STOX1: variants seen among roughly 807,000 people sequenced by gnomAD.
STOX1 encodes the protein storkhead-box protein 1.
In STOX1, 57 loss-of-function variants were observed where a neutral mutation model predicts 74.8. That is an observed-to-expected ratio of 0.76 (90% CI 0.62 to 0.95). STOX1 has a LOEUF of 0.95. Ranked by LOEUF, STOX1 falls within the 40% of genes least tolerant of loss-of-function variation. The probability of loss-of-function intolerance (pLI) is 0.00; values close to 1 mark genes in which losing one functional copy is unlikely to be tolerated. For synonymous variants in STOX1, 375 were observed against 401.3 expected (o/e 0.93, Z 0.78); for missense variants, 1,010 against 1,117.0 (o/e 0.90, Z 1.37).
intron 1 of STOX1, among the ~76,000 whole-genome samples, chr10:68,833,891 G>A (rs2133488536): frequency 6.6e-6 from 1 of 152,316 alleles, no homozygotes; most frequent in East Asian, 1.9e-4. Flanking sequence ...CTTTCATTCA[G>A]ATTTGCCTCT....
Position 68,886,308 on chromosome 10 carries a change from C to A in STOX1, c.2512C>A (p.Pro838Thr). 6 of 1,614,138 alleles carry A rather than the reference C, an allele frequency of 3.7e-6. No individual in the cohort carries two copies. The highest frequency in any genetic ancestry group is 4.2e-6 in the Non-Finnish European group (5 of 1,180,026). Reference protein sequence around the residue: ...AQFGFNYEEEPSVAKCVQASA... With the variant: ...AQFGFNYEEETSVAKCVQASA... ...GTTTGGTTTTAACTACGAAGAAGAA[C>A]CCAGTGTTGCTAAATGTGTACAGGC... is the stretch of plus-strand genomic sequence containing the variant. The change falls in exon 3 of 4, where the codon CCC becomes ACC. Residue 838 changes from proline to threonine, a missense_variant. Transcript: ENST00000298596.
chr10:68,854,674 A>C (rs1009392484), intron 1 of STOX1, among the ~76,000 whole-genome samples: 1 of 152,020 alleles, frequency 6.6e-6, no homozygotes, highest in African/African-American at 2.4e-5. Flanking sequence ...TACTTGATCT[A>C]CCTGGGGTGT....
chr10:68,831,401 A>G (rs979440548), intron 1 of STOX1, among the ~76,000 whole-genome samples: 2 of 151,990 alleles, frequency 1.3e-5, no homozygotes, highest in African/African-American at 4.8e-5. Flanking sequence ...TGGGCATGCT[A>G]GTTTCGAACT....
chr10:68,884,548 A>C lies in STOX1; in HGVS notation c.752A>C (p.His251Pro). The C allele has an allele frequency of 6.2e-7, 1 of 1,613,800 alleles. No homozygotes were observed. The highest frequency in any genetic ancestry group is 8.5e-7 in the Non-Finnish European group (1 of 1,180,032). ...TCTTGCCAGTGTTTCCGGGACATGC[A>C]CACTCAGGATGTTCAGGAAGCACCA... ...CQSCQCFRDMHTQDVQEAPVA... is the reference protein window; with the variant it reads ...CQSCQCFRDMPTQDVQEAPVA... Residue 251 changes from histidine to proline, a missense_variant, in exon 3 of 4, where the codon CAC becomes CCC. His to Pro is a moderately conservative substitution (Grantham distance 77). Coordinates refer to ENST00000298596, the MANE Select transcript of STOX1 (RefSeq NM_152709.5).
At chr10:68,891,429 T>C (rs897986637) in intron 3 of STOX1, among the ~76,000 whole-genome samples, 1 of 152,194 alleles carries the variant, frequency 6.6e-6, no homozygotes, top group African/African-American at 2.4e-5. Context: ...GAAAGACTTA[T>C]TAGACGAAAT....
In STOX1 at chr10:68,885,974, AGAT is replaced by A. The variant is rs1456018195; in HGVS notation, c.2186_2188del (p.Asp729del). On this transcript the variant is annotated inframe_deletion, in exon 3 of 4. Transcript: ENST00000298596. ...AGGCCTTGTATCAGAATGAAGTGGA[AGAT>A]GATGATGGTGCCTGTAGTTCATTAT... 1.9e-6 allele frequency: 3 copies of A among 1,614,224 alleles called. No homozygotes were observed. Among genetic ancestry groups the A allele is most frequent in the Non-Finnish European group, 2.5e-6 (3 of 1,180,048 alleles).
chr10:68,871,228 G>A (rs538492357), intron 1 of STOX1, among the ~76,000 whole-genome samples: 2 of 152,328 alleles, frequency 1.3e-5, no homozygotes, highest in South Asian at 4.1e-4. Context: ...TCTATCCGCA[G>A]TGAGGGTGGT....
intron 1 of STOX1, among the ~76,000 whole-genome samples, chr10:68,856,015 G>A (rs1673888462): frequency 6.6e-6 from 1 of 152,102 alleles, no homozygotes; most frequent in African/African-American, 2.4e-5. Flanking sequence ...CTGTCAGTCA[G>A]AAATGGTGTA....
intron 1 of STOX1, among the ~76,000 whole-genome samples, chr10:68,833,688 T>C (rs995056786): frequency 6.6e-6 from 1 of 152,196 alleles, no homozygotes; most frequent in Non-Finnish European, 1.5e-5. Flanking sequence ...GGTCTTTAAC[T>C]ACCAGGCTTA....
At chr10:68,866,279 G>A (rs1840402724) in intron 1 of STOX1, among the ~76,000 whole-genome samples, 1 of 152,140 alleles carries the variant, frequency 6.6e-6, no homozygotes, top group Admixed American at 6.5e-5. Flanking sequence ...CTCCAACTAT[G>A]TTAAATTGAG....
rs750746962 is a variant in STOX1 at position 68,885,807 on chromosome 10, C to G, written c.2011C>G (p.Leu671Val). The stretch of plus-strand genomic sequence containing the variant: ...AATACACCAGTTTCAAAATCTTGGC[C>G]TTTTGGATTACCCAGTTGGCGTGAA... ...NTIHQFQNLG[L>V]LDYPVGVNPL... Residue 671 changes from leucine (L) to valine (V), a missense_variant, in exon 3 of 4, where the codon CTT (leucine) becomes GTT (valine). Coordinates refer to ENST00000298596, the MANE Select transcript of STOX1 (RefSeq NM_152709.5). The G allele has an allele frequency of 9.9e-6, 16 of 1,614,028 alleles. No homozygotes were observed. Among genetic ancestry groups the G allele is most frequent in the South Asian group, 5.5e-5 (5 of 91,078 alleles).
intron 1 of STOX1, among the ~76,000 whole-genome samples, chr10:68,877,466 A>C (rs968969776): frequency 1.3e-5 from 2 of 152,194 alleles, no homozygotes; most frequent in Non-Finnish European, 2.9e-5. Flanking sequence ...TGAAGTAATT[A>C]TAGATTCACA....
intron 1 of STOX1, among the ~76,000 whole-genome samples, chr10:68,874,561 C>G (rs1183324634): frequency 1.3e-5 from 2 of 151,602 alleles, no homozygotes; most frequent in African/African-American, 4.9e-5. Flanking sequence ...TCTCCTTCCC[C>G]TGCCTTTAAA....
intron 1 of STOX1, among the ~76,000 whole-genome samples, chr10:68,850,769 C>G (rs964291034): frequency 6.6e-6 from 1 of 152,076 alleles, no homozygotes; most frequent in Non-Finnish European, 1.5e-5. Context: ...CTCAGGAGTT[C>G]AAGACCAGCC....
downstream of STOX1, among the ~76,000 whole-genome samples, chr10:68,894,063 T>G (rs1841150647): frequency 6.7e-6 from 1 of 150,210 alleles, no homozygotes; most frequent in African/African-American, 2.5e-5. Context: ...GTCTTTTCTT[T>G]TCTTTTTTTT....
intron 1 of STOX1, among the ~76,000 whole-genome samples, chr10:68,867,180 C>G (rs974085476): frequency 6.6e-6 from 1 of 151,934 alleles, no homozygotes; most frequent in African/African-American, 2.4e-5. Context: ...CTCCTGACCT[C>G]GTGATCCGCC....
Position 68,885,485 on chromosome 10 carries a change from C to CATTT in STOX1, c.1691_1694dup (p.Ile566LeufsTer4). ...CTAATGATAAAATGGAAGCAGAATC[C>CATTT]ATTTACATAAATGACCCTACTGTCA... On this transcript the variant is annotated frameshift_variant, in exon 3 of 4. Coordinates refer to ENST00000298596, the MANE Select transcript of STOX1 (RefSeq NM_152709.5). LOFTEE classifies it high-confidence loss of function. 1 of 1,614,172 alleles carries CATTT rather than the reference C, an allele frequency of 6.2e-7. No homozygotes were observed.
In STOX1 at chr10:68,886,276, G is replaced by A; in HGVS notation, c.2480G>A (p.Gly827Glu). Residue 827 changes from glycine (G) to glutamate (E), a missense_variant, in exon 3 of 4, where the codon GGG becomes GAG. Coordinates refer to ENST00000298596, the MANE Select transcript of STOX1 (RefSeq NM_152709.5). ...LSAESCGLNS[G>E]AQFGFNYEEE... ...GCTGAAAGTTGTGGCCTAAATTCAG[G>A]GGCCCAGTTTGGTTTTAACTACGAA... The A allele has an allele frequency of 6.2e-7, 1 of 1,614,148 alleles. No individual in the cohort carries two copies. The highest frequency in any genetic ancestry group is 2.2e-5 in the East Asian group (1 of 44,880).
At chr10:68,845,682 A>G (rs950612832) in intron 1 of STOX1, among the ~76,000 whole-genome samples, 2 of 150,654 alleles carry the variant, frequency 1.3e-5, no homozygotes, top group Non-Finnish European at 3.0e-5. Flanking sequence ...GCTCAATGCA[A>G]CCTCCACCTC....
Sources: gnomAD v4.1 joint callset for allele counts (sites outside exome capture counted in the v4.1 genomes callset) on GRCh38, gnomAD v4.1.1 for gene constraint, MANE v1.5 for transcripts, NCBI Gene and HGNC (gene_info 2026-07-23, HGNC 2026-07-21) for gene names.